Variants in NSD1 observed in about 807,000 individuals in gnomAD.
The protein encoded by NSD1 is nuclear receptor binding SET domain protein 1, also known as histone-lysine N-methyltransferase, H3 lysine-36 specific.
Under a neutral mutation model 242.7 loss-of-function variants are expected in NSD1, and 26 were observed. The ratio of observed to expected loss-of-function variants is 0.11; its 90% CI spans 0.08 to 0.15. The LOEUF is 0.15. Among genes scored for constraint, NSD1 ranks in the 10% least tolerant of loss-of-function variants. The pLI is 1.00. For missense variants in NSD1, 2,495 were observed against 3,272.8 expected (o/e 0.76, Z 5.80); for synonymous variants, 1,106 against 1,178.1 (o/e 0.94, Z 1.25).
chr5:177,263,224 A>G (rs1757133247), intron 14 of NSD1, among the ~76,000 whole-genome samples: 1 of 152,246 alleles, frequency 6.6e-6, no homozygotes, highest in African/African-American at 2.4e-5. Flanking sequence ...CTTGTCTGAC[A>G]TATTTTGAAT....
chr5:177,208,962 C>G (rs1240331667), intron 4 of NSD1, among the ~76,000 whole-genome samples: 2 of 151,988 alleles, frequency 1.3e-5, no homozygotes, highest in Admixed American at 6.6e-5. Context: ...TCTGAAAGTG[C>G]TGGGATTACA....
chr5:177,180,204 C>T (rs1200005256), intron 2 of NSD1, among the ~76,000 whole-genome samples: 2 of 152,014 alleles, frequency 1.3e-5, no homozygotes, highest in Non-Finnish European at 2.9e-5. Flanking sequence ...AAGTGATTCT[C>T]CTGCCTCAGC....
intron 5 of NSD1, among the ~76,000 whole-genome samples, chr5:177,233,283 G>A (rs1765195542): frequency 6.6e-6 from 1 of 151,908 alleles, no homozygotes; most frequent in African/African-American, 2.4e-5. Context: ...TAACTGGGCT[G>A]GTATTGAATT....
At chr5:177,193,612 G>T (rs6873690) in intron 3 of NSD1, among the ~76,000 whole-genome samples, 1 of 151,784 alleles carries the variant, frequency 6.6e-6, no homozygotes, top group Non-Finnish European at 1.5e-5. Context: ...TTTCTGTTAG[G>T]ATGGTAGTGA....
intron 2 of NSD1, among the ~76,000 whole-genome samples, chr5:177,158,340 T>C (rs1464761426): frequency 6.7e-6 from 1 of 149,248 alleles, no homozygotes; most frequent in African/African-American, 2.5e-5. Flanking sequence ...TTTCTTTCTT[T>C]CTTTCTTTCT....
Position 177,158,293 on chromosome 5 carries a change from C to CTTTCTTTCTTTTCTTTCT in NSD1, c.927+22293_927+22310dup, listed in dbSNP as rs1554172560. On this transcript the variant is annotated intron_variant, in intron 2 of 22. Coordinates refer to ENST00000439151, the MANE Select transcript of NSD1 (RefSeq NM_022455.5). ...TCTTTCTTTCTTTCTTTCTTTCTTT[C>CTTTCTTTCTTTTCTTTCT]TTTCTTTCTTTTCTTTCTTTTCTTT... Among the ~76,000 whole-genome samples, 172 of 77,718 alleles carry CTTTCTTTCTTTTCTTTCT rather than the reference C, an allele frequency of 2.2e-3. 1 individual carries two copies. Among genetic ancestry groups the CTTTCTTTCTTTTCTTTCT allele is most frequent in the African/African-American group, 3.5e-3 (75 of 21,500 alleles). The allele number at this position is 77,718 out of a possible 152,430, so 51.0% of individuals were successfully genotyped here.
intron 2 of NSD1, among the ~76,000 whole-genome samples, chr5:177,153,645 C>T (rs866585072): frequency 6.6e-6 from 1 of 152,022 alleles, no homozygotes; most frequent in Non-Finnish European, 1.5e-5. Context: ...GTCAAAGTTT[C>T]ATTTATTATA....
chr5:177,144,077 C>T (rs1281237324), intron 2 of NSD1, among the ~76,000 whole-genome samples: 1 of 152,186 alleles, frequency 6.6e-6, no homozygotes, highest in African/African-American at 2.4e-5. Context: ...GCCATCTCTC[C>T]TGGCCATGAT....
intron 19 of NSD1, among the ~76,000 whole-genome samples, chr5:177,282,951 A>AT (rs1216949362): frequency 2.0e-5 from 3 of 151,830 alleles, no homozygotes; most frequent in South Asian, 2.1e-4. Context: ...GATTATGTAA[A>AT]TTTTTTTTTA....
intron 5 of NSD1, among the ~76,000 whole-genome samples, chr5:177,213,995 G>T (rs1763569845): frequency 6.6e-6 from 1 of 151,224 alleles, no homozygotes; most frequent in Non-Finnish European, 1.5e-5. Context: ...TTTTGAGATA[G>T]GGTCTGGCTC....
rs751537372 is a variant in NSD1, at chr5:177,235,963, A to G, written c.3921+18A>G. The G allele has an allele frequency of 8.7e-6, 14 of 1,613,690 alleles. No individual in the cohort carries two copies. Among genetic ancestry groups the G allele is most frequent in the African/African-American group, 1.3e-5 (1 of 74,936 alleles). ...TGCACAAGGTATGTTGCAAAATTTC[A>G]GCAAACTTTCACTGGTCCTTAGGAA... On this transcript the variant is annotated intron_variant, in intron 6 of 22. Transcript: ENST00000439151.
chr5:177,162,437 G>A (rs540727945), intron 2 of NSD1, among the ~76,000 whole-genome samples: 4 of 152,088 alleles, frequency 2.6e-5, no homozygotes, highest in South Asian at 2.1e-4. Flanking sequence ...ACTCTGTCAC[G>A]CAGGCTGGAG....
chr5:177,207,592 A>ATTTTTTTTT (rs1562201568), intron 4 of NSD1, among the ~76,000 whole-genome samples: 1 of 100,118 alleles, frequency 1.0e-5, no homozygotes, highest in African/African-American at 5.7e-5. Context: ...TATTTATTTA[A>ATTTTTTTTT]ATTTTTTTTT....
At chr5:177,291,520 G>T (rs1290117419) in intron 21 of NSD1, among the ~76,000 whole-genome samples, 1 of 152,142 alleles carries the variant, frequency 6.6e-6, no homozygotes, top group East Asian at 1.9e-4. Flanking sequence ...AGGAGTGGTG[G>T]TGGGCGCCTG....
chr5:177,178,910 G>T (rs1760429580), intron 2 of NSD1, among the ~76,000 whole-genome samples: 1 of 152,136 alleles, frequency 6.6e-6, no homozygotes. Context: ...AATGTGTCAA[G>T]TGCAGTAAAA....
At position 177,273,748 on chromosome 5, in the gene NSD1, G is replaced by A; in HGVS notation, c.5586G>A (p.Lys1862=). The change falls in exon 17 of 23, where the codon AAG becomes AAA. Residue 1862 remains lysine (K), a synonymous_variant. Transcript: ENST00000439151. ...KELRQLQEDR[K]NDKKPPPYKH... ...TAAGACAGCTGCAGGAAGACCGAAA[G>A]AATGACAAGAAGCCACCACCTTATA... The A allele has an allele frequency of 6.2e-7, 1 of 1,613,720 alleles. No homozygotes were observed. The highest frequency in any genetic ancestry group is 8.5e-7 in the Non-Finnish European group (1 of 1,179,756).
chr5:177,257,769 TC>T (rs1756611560), intron 13 of NSD1, among the ~76,000 whole-genome samples: 1 of 151,974 alleles, frequency 6.6e-6, no homozygotes, highest in South Asian at 2.1e-4. Flanking sequence ...CATGTCCTCT[TC>T]CCCCTATTGA....
chr5:177,151,491 C>T (rs941404399), intron 2 of NSD1, among the ~76,000 whole-genome samples: 1 of 151,956 alleles, frequency 6.6e-6, no homozygotes, highest in Admixed American at 6.6e-5. Context: ...CGGGTTCAAG[C>T]GATTCACCTA....
intron 2 of NSD1, among the ~76,000 whole-genome samples, chr5:177,139,871 A>C (rs1212850428): frequency 6.6e-6 from 1 of 151,728 alleles, no homozygotes; most frequent in Non-Finnish European, 1.5e-5. Flanking sequence ...TTGAGGCCAG[A>C]AGTTTGAGAC....
Sources: allele counts gnomAD v4.1 joint callset (sites outside exome capture counted in the v4.1 genomes callset), GRCh38; gene constraint gnomAD v4.1.1; transcripts MANE v1.5; gene names NCBI Gene and HGNC (gene_info 2026-07-23, HGNC 2026-07-21).